Variants in KCNK3 observed in about 807,000 individuals in gnomAD.
KCNK3 encodes potassium two pore domain channel subfamily K member 3.
In KCNK3, 9 loss-of-function variants were observed where a neutral mutation model predicts 27.3. That is an observed-to-expected ratio of 0.33 (90% confidence interval 0.20 to 0.57). The LOEUF (loss-of-function observed/expected upper bound fraction) is 0.57, where lower values mean the gene tolerates loss of function less well. Ranked by LOEUF, KCNK3 falls within the 20% of genes least tolerant of loss-of-function variation. The pLI, the probability that KCNK3 is intolerant of heterozygous loss-of-function variation, is 0.87. For synonymous variants in KCNK3, 278 were observed against 273.8 expected, an observed-to-expected ratio of 1.02 and a Z score of -0.15; for missense variants, 391 against 577.7, an observed-to-expected ratio of 0.68 and a Z score of 3.31.
At chr2:26,704,028 T>G (rs1022622329) in intron 1 of KCNK3, among the ~76,000 whole-genome samples, 1 of 152,098 alleles carries the variant, frequency 6.6e-6, no homozygotes, top group Non-Finnish European at 1.5e-5. Context: ...TCCTGACCAG[T>G]GAATGCCCCA....
rs552714839 is a variant in KCNK3 at position 26,698,617 on chromosome 2, T to C, written c.283+5459T>C. On this transcript the variant is annotated intron_variant, in intron 1 of 1. Coordinates refer to ENST00000302909, the MANE Select transcript of KCNK3 (RefSeq NM_002246.3). The stretch of plus-strand genomic sequence containing the variant: ...AGGAACTGCTCTGTCTCCCAAGGGT[T>C]ACCATGACCACGGCTACTTCTGCTG... Among the ~76,000 whole-genome samples, 76 of 152,324 alleles carry C rather than the reference T, an allele frequency of 5.0e-4. 1 individual carries two copies. The highest frequency in any genetic ancestry group is 7.2e-4 in the Non-Finnish European group (49 of 68,030).
At chr2:26,697,428 G>A (rs977245351) in intron 1 of KCNK3, among the ~76,000 whole-genome samples, 1 of 152,098 alleles carries the variant, frequency 6.6e-6, no homozygotes, top group South Asian at 2.1e-4. Flanking sequence ...TCACTTGAAC[G>A]CAGAAGGCAG....
At chr2:26,711,046 C>T (rs1014590045) in intron 1 of KCNK3, among the ~76,000 whole-genome samples, 5 of 152,286 alleles carry the variant, frequency 3.3e-5, no homozygotes, top group Middle Eastern at 3.4e-3. Flanking sequence ...CCCTGAGTGC[C>T]GGAGCTAACC....
At chr2:26,701,462 T>C (rs892710435) in intron 1 of KCNK3, among the ~76,000 whole-genome samples, 7 of 152,174 alleles carry the variant, frequency 4.6e-5, no homozygotes, top group African/African-American at 1.7e-4. Flanking sequence ...CCACTGGTCC[T>C]CAGTTGTTGC....
At chr2:26,723,030 C>T (rs536273979) in intron 1 of KCNK3, among the ~76,000 whole-genome samples, 7 of 152,326 alleles carry the variant, frequency 4.6e-5, no homozygotes, top group Middle Eastern at 3.4e-3. Flanking sequence ...ATGCTCTTTC[C>T]TCTGCCCAAG....
intron 1 of KCNK3, among the ~76,000 whole-genome samples, chr2:26,706,125 C>T (rs1274566405): frequency 6.6e-6 from 1 of 152,226 alleles, no homozygotes; most frequent in Non-Finnish European, 1.5e-5. Flanking sequence ...GGCTGGGCCA[C>T]TCACCAGCTG....
At chr2:26,701,735 T>A (rs1670310404) in intron 1 of KCNK3, among the ~76,000 whole-genome samples, 1 of 152,216 alleles carries the variant, frequency 6.6e-6, no homozygotes, top group Non-Finnish European at 1.5e-5. Flanking sequence ...AGGTCAAAAG[T>A]CTGAGACCAG....
At chr2:26,714,385 C>T (rs1225775510) in intron 1 of KCNK3, among the ~76,000 whole-genome samples, 1 of 150,860 alleles carries the variant, frequency 6.6e-6, no homozygotes, top group Admixed American at 6.6e-5. Flanking sequence ...CACCACCCCG[C>T]CCAGTGAGCC....
intron 1 of KCNK3, among the ~76,000 whole-genome samples, chr2:26,701,337 C>T (rs550053116): frequency 2.2e-4 from 33 of 152,210 alleles, no homozygotes; most frequent in Admixed American, 7.2e-4. Context: ...TGGGTGGAGC[C>T]GGGTGCTGTA....
chr2:26,693,163 C>G lies in KCNK3; in HGVS notation c.283+5C>G, dbSNP rs1407972554. ...TCACCGTCATCACCACCATCGGTAA[C>G]GGCTCGCCGGGCGGGGGGCGGGAAC... On this transcript the variant is annotated splice_donor_5th_base_variant and intron_variant, in intron 1 of 1. Coordinates refer to ENST00000302909, the MANE Select transcript of KCNK3 (RefSeq NM_002246.3). The surrounding 1 kb of genome is among the most constrained non-coding windows in gnomAD (Gnocchi z 5.5). The G allele has an allele frequency of 2.0e-6, 3 of 1,502,218 alleles. No homozygotes were observed. The highest frequency in any genetic ancestry group is 2.7e-6 in the Non-Finnish European group (3 of 1,117,588). 93.1% of individuals were successfully genotyped at this position (1,502,218 alleles called of 1,614,324 possible).
At chr2:26,715,615 G>C (rs906140042) in intron 1 of KCNK3, among the ~76,000 whole-genome samples, 1 of 152,230 alleles carries the variant, frequency 6.6e-6, no homozygotes, top group Non-Finnish European at 1.5e-5. Context: ...GTTCTGGCTT[G>C]TCTTGGCATG....
At chr2:26,699,254 C>CAAG (rs1558594869) in intron 1 of KCNK3, among the ~76,000 whole-genome samples, 146 of 103,240 alleles carry the variant, frequency 1.4e-3, no homozygotes, top group East Asian at 0.012. Flanking sequence ...AGAAAGAAAG[C>CAAG]CAGCCAAGGA....
At chr2:26,716,086 A>C (rs1392591236) in intron 1 of KCNK3, among the ~76,000 whole-genome samples, 1 of 152,210 alleles carries the variant, frequency 6.6e-6, no homozygotes, top group Non-Finnish European at 1.5e-5. Context: ...ACACAGCAGC[A>C]CAACTAGAAC....
intron 1 of KCNK3, among the ~76,000 whole-genome samples, chr2:26,709,494 C>G (rs1259218973): frequency 6.6e-6 from 1 of 152,096 alleles, no homozygotes; most frequent in South Asian, 2.1e-4. Context: ...AAGCTGGCCA[C>G]TGCTTAGAGG....
chr2:26,726,978 T>C (rs900400826), intron 1 of KCNK3, among the ~76,000 whole-genome samples: 1 of 152,216 alleles, frequency 6.6e-6, no homozygotes, highest in Non-Finnish European at 1.5e-5. Flanking sequence ...TCATTCATCC[T>C]GCTCTTGCAG....
rs1440769488 is a variant in KCNK3 at position 26,693,652 on chromosome 2, T to C, written c.283+494T>C. 1.3e-5 allele frequency among the ~76,000 whole-genome samples: 2 copies of C among 152,140 alleles called. No individual in the cohort carries two copies. The highest frequency in any genetic ancestry group is 2.9e-5 in the Non-Finnish European group (2 of 68,010). On this transcript the variant is annotated intron_variant, in intron 1 of 1. Coordinates refer to ENST00000302909, the MANE Select transcript of KCNK3 (RefSeq NM_002246.3). This position sits in a 1 kb window ranked among gnomAD's most constrained non-coding sequence, Gnocchi z 5.5. ...CTTCGGGGCACTTGGGGCCACCCTA[T>C]AACGGCGGCTGTGAGTGTACGTGTG...
At chr2:26,713,892 G>T (rs1337364286) in intron 1 of KCNK3, among the ~76,000 whole-genome samples, 1 of 151,402 alleles carries the variant, frequency 6.6e-6, no homozygotes, top group African/African-American at 2.4e-5. Flanking sequence ...CCTGGCCCAC[G>T]TGGTGAAACC....
chr2:26,716,014 G>A (rs532760916), intron 1 of KCNK3, among the ~76,000 whole-genome samples: 1 of 152,360 alleles, frequency 6.6e-6, no homozygotes, highest in South Asian at 2.1e-4. Context: ...TGTCTTCTAA[G>A]TTCTTCATTT....
At chr2:26,727,341 T>G (rs13432337) in intron 1 of KCNK3, among the ~76,000 whole-genome samples, 1 of 152,184 alleles carries the variant, frequency 6.6e-6, no homozygotes, top group Admixed American at 6.5e-5. Context: ...AGGCCACCCC[T>G]TCTCTAGGCA....
Sources: allele counts gnomAD v4.1 joint callset (sites outside exome capture counted in the v4.1 genomes callset), GRCh38; gene constraint gnomAD v4.1.1; non-coding constraint Gnocchi (gnomAD v3.1); transcripts MANE v1.5; gene names NCBI Gene and HGNC (gene_info 2026-07-23, HGNC 2026-07-21).